Variants in CHIA observed in about 807,000 individuals in gnomAD.
CHIA encodes the protein acidic mammalian chitinase.
CHIA carries 47 observed loss-of-function variants against 53.5 expected under a neutral mutation model. The observed-to-expected ratio is 0.88, with a 90% CI of 0.70 to 1.12. The LOEUF is 1.12. Ranked by LOEUF, CHIA falls within the 50% of genes most tolerant of loss-of-function variation. The probability of loss-of-function intolerance (pLI) is 0.00; values close to 1 mark genes in which losing one functional copy is unlikely to be tolerated. For synonymous variants in CHIA, 268 were observed against 222.2 expected (o/e 1.21, Z -1.83); for missense variants, 652 against 592.2 (o/e 1.10, Z -1.05).
Position 111,318,497 on chromosome 1 carries a change from A to G in CHIA, c.734A>G (p.Tyr245Cys), listed in dbSNP as rs778426595. Residue 245 changes from tyrosine (Y) to cysteine (C), a missense_variant, in exon 9 of 12, where the codon TAT becomes TGT. Transcript: ENST00000369740. Reference protein sequence around the residue: ...TGSNAYLNVDYVMNYWKDNGA... With the variant: ...TGSNAYLNVDCVMNYWKDNGA... ...ACTAACCCACTGACATTGCAGGATT[A>G]TGTCATGAACTACTGGAAGGACAAT... is the stretch of plus-strand genomic sequence containing the variant. 3 of 1,613,064 alleles carry G rather than the reference A, an allele frequency of 1.9e-6. No individual in the cohort carries two copies. The African/African-American group carries it at 4.0e-5, about 22-fold the overall frequency.
At chr1:111,295,300 C>G (rs6662466) in intron 1 of CHIA, among the ~76,000 whole-genome samples, 9,344 of 152,216 alleles carry the variant, frequency 0.061, 371 homozygotes, top group East Asian at 0.12. Flanking sequence ...CCTACCTGGG[C>G]CTCCCAAAGT....
intron 1 of CHIA, among the ~76,000 whole-genome samples, chr1:111,300,360 C>T (rs925881932): frequency 6.6e-6 from 1 of 152,180 alleles, no homozygotes; most frequent in African/African-American, 2.4e-5. Flanking sequence ...ACCAAAACAG[C>T]ATGGTACTGT....
Position 111,318,681 on chromosome 1 carries a change from A to G in CHIA, c.915+3A>G, listed in dbSNP as rs1649386017. 2 of 1,611,508 alleles carry G rather than the reference A, an allele frequency of 1.2e-6. No individual in the cohort carries two copies. Among genetic ancestry groups the G allele is most frequent in the Non-Finnish European group, 1.7e-6 (2 of 1,178,632 alleles). On this transcript the variant is annotated splice_donor_region_variant and intron_variant, in intron 9 of 11. Coordinates refer to ENST00000369740, the MANE Select transcript of CHIA (RefSeq NM_201653.4). ...CTGGGATCTGGGCTTACTACGAGGT[A>G]TGTAGATTGGACTGAAAAGTGCTCT... is the stretch of plus-strand genomic sequence containing the variant.
Position 111,291,833 on chromosome 1 carries a change from G to T in CHIA, c.-69+883G>T, listed in dbSNP as rs191790121. The stretch of plus-strand genomic sequence containing the variant: ...AGCAACACACACTGGGGCCTGTCGG[G>T]GGGGGGTGGGGGTAGGGAAAGCATC... On this transcript the variant is annotated intron_variant, in intron 1 of 11. Coordinates refer to ENST00000369740, the MANE Select transcript of CHIA (RefSeq NM_201653.4). 4.4e-3 allele frequency among the ~76,000 whole-genome samples: 666 copies of T among 150,820 alleles called. 8 individuals are homozygous for T. Among genetic ancestry groups the T allele is most frequent in the Middle Eastern group, 6.9e-3 (2 of 288 alleles).
In CHIA at chr1:111,310,497, G is replaced by T; in HGVS notation, c.25+5G>T. On this transcript the variant is annotated splice_donor_5th_base_variant and intron_variant, in intron 2 of 11. Transcript: ENST00000369740. ...CAAAGCTTATTCTCCTCACAGGTGG[G>T]TTTGTAATCAGAGATTGACCCTTCA... 6.2e-7 allele frequency: 1 copy of T among 1,614,144 alleles called. No homozygotes were observed. The highest frequency in any genetic ancestry group is 8.5e-7 in the Non-Finnish European group (1 of 1,180,020).
chr1:111,307,586 C>A (rs1648284497), intron 1 of CHIA, among the ~76,000 whole-genome samples: 1 of 150,776 alleles, frequency 6.6e-6, no homozygotes, highest in Non-Finnish European at 1.5e-5. Flanking sequence ...GGGTAATAGT[C>A]AAAGTTAATG....
chr1:111,300,434 T>C lies in CHIA; in HGVS notation c.-69+9484T>C, dbSNP rs533793480. Among the ~76,000 whole-genome samples the C allele has an allele frequency of 2.6e-5, 4 of 152,270 alleles. No individual in the cohort carries two copies. The South Asian group carries it at 8.3e-4, about 32-fold the overall frequency. On this transcript the variant is annotated intron_variant, in intron 1 of 11. Transcript: ENST00000369740. ...GGCCTCAGAAATAACACCACACATC[T>C]ACAACCATCTGATCTTTGACAAACC... is the stretch of plus-strand genomic sequence containing the variant.
intron 1 of CHIA, among the ~76,000 whole-genome samples, chr1:111,308,964 G>A (rs1049855365): frequency 3.9e-5 from 6 of 152,178 alleles, no homozygotes; most frequent in Admixed American, 3.3e-4. Context: ...TGTAGTGTTT[G>A]TTGATATGAT....
At chr1:111,294,312 T>A (rs1661209865) in intron 1 of CHIA, among the ~76,000 whole-genome samples, 1 of 152,224 alleles carries the variant, frequency 6.6e-6, no homozygotes, top group Non-Finnish European at 1.5e-5. Context: ...TTATTCTTTT[T>A]GATGCTATTG....
chr1:111,299,779 G>A (rs147555573), intron 1 of CHIA, among the ~76,000 whole-genome samples: 2,677 of 152,264 alleles, frequency 0.018, 53 homozygotes, highest in Admixed American at 0.061. Flanking sequence ...TATTCAATTA[G>A]GAAGTCAAAT....
In CHIA at chr1:111,318,724, T is replaced by C. The variant is rs753299587; in HGVS notation, c.915+46T>C. On this transcript the variant is annotated intron_variant, in intron 9 of 11. Transcript: ENST00000369740. ...AGTGCTCTGTGAATTCCGTGCACTG[T>C]GCCTTAGGGCTAGAATCTGCTGAAA... The C allele has an allele frequency of 1.3e-5, 21 of 1,565,160 alleles. No individual in the cohort carries two copies. The African/African-American group carries it at 1.4e-4, about 10-fold the overall frequency.
At chr1:111,307,161 T>C (rs1004867214) in intron 1 of CHIA, among the ~76,000 whole-genome samples, 3 of 152,224 alleles carry the variant, frequency 2.0e-5, no homozygotes, top group African/African-American at 7.2e-5. Flanking sequence ...GGAACGCTTA[T>C]ATAGCAGCAT....
At chr1:111,311,369 T>G (rs1486087525) in intron 2 of CHIA, among the ~76,000 whole-genome samples, 1 of 152,212 alleles carries the variant, frequency 6.6e-6, no homozygotes, top group Non-Finnish European at 1.5e-5. Context: ...AACGAATGGA[T>G]GTGTCATCAT....
intron 6 of CHIA, chr1:111,315,839 C>G: frequency 2.2e-6 from 1 of 449,318 alleles, no homozygotes; most frequent in South Asian, 1.6e-5. Context: ...TCCATTGCTT[C>G]TAAGCATTAC....
intron 1 of CHIA, among the ~76,000 whole-genome samples, chr1:111,304,395 C>T (rs543826742): frequency 8.4e-4 from 128 of 152,208 alleles, no homozygotes; most frequent in African/African-American, 2.9e-3. Context: ...GATGGCTTTT[C>T]ACATGTCCTT....
At chr1:111,304,151 G>A (rs997334803) in intron 1 of CHIA, among the ~76,000 whole-genome samples, 1 of 152,080 alleles carries the variant, frequency 6.6e-6, no homozygotes, top group African/African-American at 2.4e-5. Context: ...CTTCTCTTTT[G>A]ATGATTTCAA....
At chr1:111,304,387 T>C (rs1167131020) in intron 1 of CHIA, among the ~76,000 whole-genome samples, 1 of 152,202 alleles carries the variant, frequency 6.6e-6, no homozygotes, top group Non-Finnish European at 1.5e-5. Flanking sequence ...GTCCACTTGA[T>C]GGCTTTTCAC....
chr1:111,316,069 G>A, intron 6 of CHIA: 1 of 288,844 alleles, frequency 3.5e-6, no homozygotes, highest in South Asian at 3.2e-5. Context: ...TCTGGGGCAG[G>A]ATCAGAAAGT....
chr1:111,318,769 C>T, intron 9 of CHIA, 91 bp downstream of exon 9: 8 of 1,377,014 alleles, frequency 5.8e-6, no homozygotes, highest in Non-Finnish European at 8.0e-6. Flanking sequence ...TTCATTCTGT[C>T]TCCTACCTAA....
Sources: gnomAD v4.1 joint callset for allele counts (sites outside exome capture counted in the v4.1 genomes callset) on GRCh38, gnomAD v4.1.1 for gene constraint, MANE v1.5 for transcripts, NCBI Gene and HGNC (gene_info 2026-07-23, HGNC 2026-07-21) for gene names.